CIMIP6: variants seen among roughly 807,000 people sequenced by gnomAD.
CIMIP6 encodes uncharacterized protein C2orf73.
chr2:54,338,555 T>G, the CIMIP6 span, among the ~76,000 whole-genome samples: 1 of 75,806 alleles, frequency 1.3e-5, no homozygotes, highest in Admixed American at 1.3e-4. Context: ...AACTGTTCCT[T>G]TAAGATGACA....
the CIMIP6 span, among the ~76,000 whole-genome samples, chr2:54,367,907 C>G: frequency 1.3e-5 from 2 of 152,126 alleles, no homozygotes; most frequent in Admixed American, 6.5e-5. Context: ...TTTTTGAAGT[C>G]TGTAGATTGA....
At chr2:54,333,445 C>T in the CIMIP6 span, among the ~76,000 whole-genome samples, 17 of 152,050 alleles carry the variant, frequency 1.1e-4, no homozygotes, top group Non-Finnish European at 5.9e-5. Flanking sequence ...ATTGATGTGT[C>T]CCTGGAACTG....
the CIMIP6 span, among the ~76,000 whole-genome samples, chr2:54,347,718 G>A: frequency 6.6e-6 from 1 of 152,112 alleles, no homozygotes; most frequent in Non-Finnish European, 1.5e-5. Flanking sequence ...TGCCTAGGAT[G>A]GAGGACAGAA....
At chr2:54,337,296 C>A in the CIMIP6 span, among the ~76,000 whole-genome samples, 2 of 152,174 alleles carry the variant, frequency 1.3e-5, no homozygotes, top group African/African-American at 4.8e-5. Flanking sequence ...GCAGGAATTC[C>A]TGTGGTTAAA....
the CIMIP6 span, among the ~76,000 whole-genome samples, chr2:54,381,509 A>T: frequency 6.6e-6 from 1 of 152,268 alleles, no homozygotes. Context: ...CCAGATAAGG[A>T]AACTGAGACT....
chr2:54,366,695 C>G, the CIMIP6 span, among the ~76,000 whole-genome samples: 33,755 of 151,622 alleles, frequency 0.22, 4,011 homozygotes, highest in African/African-American at 0.27. Context: ...ACTTCTCATC[C>G]ACAACAATGG....
the CIMIP6 span, among the ~76,000 whole-genome samples, chr2:54,344,815 A>G: frequency 6.6e-6 from 1 of 152,208 alleles, no homozygotes. Context: ...ACAGCATAAA[A>G]CAACAAAACA....
At chr2:54,354,802 C>G in the CIMIP6 span, among the ~76,000 whole-genome samples, 1 of 151,306 alleles carries the variant, frequency 6.6e-6, no homozygotes, top group Non-Finnish European at 1.5e-5. Context: ...AATCATTGTA[C>G]TACTTTTTTC....
the CIMIP6 span, chr2:54,334,999 A>T: frequency 6.2e-7 from 1 of 1,602,630 alleles, no homozygotes; most frequent in Non-Finnish European, 8.5e-7. Context: ...CCCTACATAG[A>T]TCCCAAAAAA....
At chr2:54,367,517 A>G in the CIMIP6 span, among the ~76,000 whole-genome samples, 1 of 152,080 alleles carries the variant, frequency 6.6e-6, no homozygotes, top group South Asian at 2.1e-4. Context: ...ACAAAAATAT[A>G]TATATTTATT....
chr2:54,345,481 G>C, the CIMIP6 span, among the ~76,000 whole-genome samples: 1 of 152,194 alleles, frequency 6.6e-6, no homozygotes, highest in Non-Finnish European at 1.5e-5. Flanking sequence ...CTGCTTTTGA[G>C]AAAGAGAAGG....
At chr2:54,383,975 C>G in the CIMIP6 span, among the ~76,000 whole-genome samples, 1 of 152,184 alleles carries the variant, frequency 6.6e-6, no homozygotes, top group African/African-American at 2.4e-5. Context: ...AAGGCCCTCC[C>G]CAGGTGCAAC....
chr2:54,354,426 A>G, the CIMIP6 span, among the ~76,000 whole-genome samples: 2 of 152,134 alleles, frequency 1.3e-5, no homozygotes, highest in Non-Finnish European at 2.9e-5. Context: ...ATTTAGGAAA[A>G]AGTCACCATT....
chr2:54,360,545 A>G, the CIMIP6 span: 2 of 1,497,000 alleles, frequency 1.3e-6, no homozygotes, highest in South Asian at 2.6e-5. Context: ...AAATCCACCA[A>G]TTAAAAAATC....
At chr2:54,381,318 A>G in the CIMIP6 span, among the ~76,000 whole-genome samples, 2 of 152,126 alleles carry the variant, frequency 1.3e-5, no homozygotes, top group South Asian at 4.1e-4. Context: ...TGACCCCCAA[A>G]TGATGTTGAG....
At chr2:54,379,508 T>C in the CIMIP6 span, among the ~76,000 whole-genome samples, 1 of 152,130 alleles carries the variant, frequency 6.6e-6, no homozygotes, top group African/African-American at 2.4e-5. Context: ...CCTAGGTGAT[T>C]CTTAAGTAGT....
chr2:54,377,594 G>T, the CIMIP6 span, among the ~76,000 whole-genome samples: 33 of 152,122 alleles, frequency 2.2e-4, 1 homozygote, highest in African/African-American at 7.2e-4. Context: ...TTGCTACACT[G>T]CAAGATACTA....
At chr2:54,332,394 C>T in the CIMIP6 span, among the ~76,000 whole-genome samples, 1 of 152,218 alleles carries the variant, frequency 6.6e-6, no homozygotes, top group Non-Finnish European at 1.5e-5. Flanking sequence ...TTTGTCACTG[C>T]TTTATCATCA....
the CIMIP6 span, among the ~76,000 whole-genome samples, chr2:54,375,628 T>TACAACTAGAAATA: frequency 6.6e-6 from 1 of 152,220 alleles, no homozygotes; most frequent in African/African-American, 2.4e-5. Flanking sequence ...GAAATAACTA[T>TACAACTAGAAATA]ACAAGAAAAC....
Sources: gnomAD v4.1 joint callset for allele counts (sites outside exome capture counted in the v4.1 genomes callset) on GRCh38, gnomAD v4.1.1 for gene constraint, MANE v1.5 for transcripts, NCBI Gene and HGNC (gene_info 2026-07-23, HGNC 2026-07-21) for gene names.